The following MYPN variants were observed in gnomAD, a reference collection of about 807,000 sequenced individuals.
MYPN encodes the protein sarcomeric protein myopalladin, 145 kDa (MYOP).
A neutral mutation model predicts 129.4 loss-of-function variants in MYPN; 63 were observed. That is an observed-to-expected ratio of 0.49 (90% CI 0.40 to 0.60). The LOEUF (loss-of-function observed/expected upper bound fraction) is 0.60, where lower values mean the gene tolerates loss of function less well. Among genes scored for constraint, MYPN ranks in the 20% least tolerant of loss-of-function variants. The pLI, the probability that MYPN is intolerant of heterozygous loss-of-function variation, is 0.00. For synonymous variants in MYPN, 629 were observed against 600.9 expected (o/e 1.05, Z -0.68); for missense variants, 1,596 against 1,635.4 (o/e 0.98, Z 0.42).
intron 2 of MYPN, among the ~76,000 whole-genome samples, chr10:68,134,481 C>T (rs912377999): frequency 2.6e-5 from 4 of 152,288 alleles, no homozygotes; most frequent in African/African-American, 9.6e-5. Context: ...ATTTATTCAT[C>T]CTCTCTTTTG....
chr10:68,206,665 A>G, intron 18 of MYPN, 105 bp from the exon 19 acceptor site: 1 of 1,481,484 alleles, frequency 6.7e-7, no homozygotes, highest in South Asian at 1.1e-5. Context: ...ATTTGTCTTG[A>G]TGTCTGCCTT....
chr10:68,203,223 C>T (rs867345768), intron 18 of MYPN, among the ~76,000 whole-genome samples: 2 of 152,178 alleles, frequency 1.3e-5, no homozygotes, highest in Non-Finnish European at 2.9e-5. Flanking sequence ...ACTCAGAGAC[C>T]GCTGCCCACT....
intron 5 of MYPN, among the ~76,000 whole-genome samples, chr10:68,149,689 A>C (rs2042733157): frequency 6.6e-6 from 1 of 152,182 alleles, no homozygotes; most frequent in Non-Finnish European, 1.5e-5. Context: ...AGTAGTGCAG[A>C]GGGGTCAAGT....
chr10:68,207,398 A>G (rs1456519148), intron 19 of MYPN, among the ~76,000 whole-genome samples: 1 of 152,150 alleles, frequency 6.6e-6, no homozygotes, highest in Non-Finnish European at 1.5e-5. Context: ...ACACTTTTAC[A>G]TTTTACTATG....
At chr10:68,155,516 T>A (rs1421478406) in intron 6 of MYPN, among the ~76,000 whole-genome samples, 1 of 152,220 alleles carries the variant, frequency 6.6e-6, no homozygotes, top group African/African-American at 2.4e-5. Flanking sequence ...ACTAACTTAA[T>A]CTTTGCTAGT....
intron 2 of MYPN, among the ~76,000 whole-genome samples, chr10:68,134,173 CAATT>C (rs1366967567): frequency 2.0e-5 from 3 of 152,198 alleles, no homozygotes; most frequent in Non-Finnish European, 4.4e-5. Context: ...CATTCAATAA[CAATT>C]CATTCAGCAC....
At chr10:68,168,447 T>C (rs2043087224) in intron 10 of MYPN, among the ~76,000 whole-genome samples, 2 of 152,056 alleles carry the variant, frequency 1.3e-5, no homozygotes, top group South Asian at 4.1e-4. Flanking sequence ...TTTAAAGAGG[T>C]TTATTCTAAG....
chr10:68,174,318 T>C lies in MYPN; in HGVS notation c.2226T>C (p.Ser742=). 6.2e-7 allele frequency: 1 copy of C among 1,614,118 alleles called. No individual in the cohort carries two copies. The highest frequency in any genetic ancestry group is 8.5e-7 in the Non-Finnish European group (1 of 1,180,028). Reference sequence around the variant, plus strand: ...CAGCAACTGTGGCCCCTTCCAGCTCTCCGGTGTTCACTTTGAGCAGCACTC... The same window carrying C: ...CAGCAACTGTGGCCCCTTCCAGCTCCCCGGTGTTCACTTTGAGCAGCACTC... The part of the protein sequence containing the change: ...TTAATVAPSS[S]PVFTLSSTPQ... Residue 742 remains serine, a synonymous_variant, in exon 11 of 20, where the codon TCT becomes TCC. Coordinates refer to ENST00000358913, the MANE Select transcript of MYPN (RefSeq NM_032578.4).
chr10:68,110,594 A>C (rs925929017), intron 1 of MYPN, among the ~76,000 whole-genome samples: 8 of 152,220 alleles, frequency 5.3e-5, no homozygotes, highest in African/African-American at 1.9e-4. Flanking sequence ...GTATGATTCA[A>C]TTACTTTTAC....
Position 68,121,485 on chromosome 10 carries a change from T to C in MYPN, c.47T>C (p.Leu16Pro), listed in dbSNP as rs1241418398. Residue 16 changes from leucine to proline, a missense_variant, in exon 2 of 20, where the codon CTA (leucine) becomes CCA (proline). Leu to Pro is a moderately conservative substitution (Grantham distance 98). Transcript: ENST00000358913. ...IEASTSISQL[L>P]RESYLAETRH... is the part of the protein sequence containing the mutation. ...GCTTCTACTTCCATATCTCAGCTTCTAAGAGAGAGCTATTTAGCTGAAACC... is the reference window on the plus strand; with the variant it reads ...GCTTCTACTTCCATATCTCAGCTTCCAAGAGAGAGCTATTTAGCTGAAACC... The C allele has an allele frequency of 1.9e-6, 3 of 1,613,960 alleles. No individual in the cohort carries two copies. Among genetic ancestry groups the C allele is most frequent in the Non-Finnish European group, 2.5e-6 (3 of 1,179,952 alleles).
At chr10:68,144,970 G>A (rs1027695793) in intron 3 of MYPN, among the ~76,000 whole-genome samples, 3 of 151,726 alleles carry the variant, frequency 2.0e-5, no homozygotes, top group African/African-American at 4.8e-5. Context: ...ACTTCTTAGG[G>A]CCTATTTCCT....
In MYPN at chr10:68,158,537, A is replaced by G; in HGVS notation, c.1369A>G (p.Arg457Gly). ...SEGQLVVFEC[R>G]VKGAPSPKVE... ...GGGTCAGCTGGTTGTCTTTGAATGC[A>G]GAGTAAAAGGAGCTCCATCTCCTAA... The change falls in exon 7 of 20, where the codon AGA (arginine) becomes GGA (glycine). Residue 457 changes from arginine (R) to glycine (G), a missense_variant. By Grantham distance (125) the Arg-to-Gly change is moderately radical. Coordinates refer to ENST00000358913, the MANE Select transcript of MYPN (RefSeq NM_032578.4). 6.2e-7 allele frequency: 1 copy of G among 1,613,894 alleles called. No individual in the cohort carries two copies. The highest frequency in any genetic ancestry group is 8.5e-7 in the Non-Finnish European group (1 of 1,179,748).
intron 18 of MYPN, among the ~76,000 whole-genome samples, chr10:68,205,165 A>G (rs2043793155): frequency 6.6e-6 from 1 of 152,128 alleles, no homozygotes; most frequent in South Asian, 2.1e-4. Context: ...TTTTTCTGTG[A>G]GCCTAACCTC....
chr10:68,097,075 T>C (rs1466579197), intron 1 of MYPN, among the ~76,000 whole-genome samples: 1 of 152,240 alleles, frequency 6.6e-6, no homozygotes, highest in Non-Finnish European at 1.5e-5. Flanking sequence ...GTTTAGCTCC[T>C]TGGCAGTAGG....
chr10:68,166,530 TCCG>T lies in MYPN; in HGVS notation c.1838_1840del (p.Ser613_Glu614delinsTer). ...AGATGACAAAGGAAGTGAAGCATCC[TCCG>T]AGGCTGGTGTGGTGACCACCAGACA... is the stretch of plus-strand genomic sequence containing the variant. On this transcript the variant is annotated stop_gained and inframe_deletion, in exon 10 of 20. Coordinates refer to ENST00000358913, the MANE Select transcript of MYPN (RefSeq NM_032578.4). LOFTEE classifies it high-confidence loss of function. 6.2e-7 allele frequency: 1 copy of T among 1,614,100 alleles called. No individual in the cohort carries two copies. Among genetic ancestry groups the T allele is most frequent in the Non-Finnish European group, 8.5e-7 (1 of 1,180,028 alleles).
chr10:68,125,572 A>G (rs2042314028), intron 2 of MYPN, among the ~76,000 whole-genome samples: 1 of 152,242 alleles, frequency 6.6e-6, no homozygotes, highest in African/African-American at 2.4e-5. Flanking sequence ...GACAGACACA[A>G]TATAAATATG....
intron 2 of MYPN, among the ~76,000 whole-genome samples, chr10:68,123,672 C>A (rs1192755568): frequency 6.8e-6 from 1 of 146,576 alleles, no homozygotes; most frequent in African/African-American, 2.5e-5. Flanking sequence ...GGCGACAGAG[C>A]GAGACTCCTT....
At chr10:68,185,979 A>T (rs1436260783) in intron 12 of MYPN, among the ~76,000 whole-genome samples, 1 of 152,208 alleles carries the variant, frequency 6.6e-6, no homozygotes. Flanking sequence ...ACAATTGTTG[A>T]CCTACAAAAA....
intron 15 of MYPN, 63 bp downstream of exon 15, chr10:68,195,595 C>A: frequency 1.6e-6 from 2 of 1,286,654 alleles, no homozygotes; most frequent in Non-Finnish European, 2.3e-6. Flanking sequence ...CTATCGTGAG[C>A]ACCAAAGTAC....
Sources: gnomAD v4.1 joint callset for allele counts (sites outside exome capture counted in the v4.1 genomes callset) on GRCh38, gnomAD v4.1.1 for gene constraint, MANE v1.5 for transcripts, NCBI Gene and HGNC (gene_info 2026-07-23, HGNC 2026-07-21) for gene names.